CYB5R4: variants seen among roughly 807,000 people sequenced by gnomAD.
CYB5R4 encodes the protein cytochrome b5 reductase 4.
A neutral mutation model predicts 70.2 loss-of-function variants in CYB5R4; 55 were observed. The ratio of observed to expected loss-of-function variants is 0.78; its 90% confidence interval spans 0.63 to 0.98. The LOEUF (loss-of-function observed/expected upper bound fraction) is 0.98. CYB5R4 is among the 50% of genes least tolerant of loss of function. The pLI is 0.00. For missense variants in CYB5R4, 562 were observed against 612.6 expected (o/e 0.92, Z 0.87); for synonymous variants, 197 against 199.5 (o/e 0.99, Z 0.11).
intron 5 of CYB5R4, among the ~76,000 whole-genome samples, chr6:83,915,694 G>A (rs2099465388): frequency 6.6e-6 from 1 of 152,170 alleles, no homozygotes; most frequent in Non-Finnish European, 1.5e-5. Flanking sequence ...TTGTGACCTG[G>A]ACCCTGTAAG....
chr6:83,944,076 A>T (rs934510087), intron 14 of CYB5R4, among the ~76,000 whole-genome samples: 5 of 152,206 alleles, frequency 3.3e-5, no homozygotes, highest in African/African-American at 1.2e-4. Context: ...ACTTCAGGAA[A>T]TACAGAGAAC....
chr6:83,895,672 C>A (rs1383295049), intron 3 of CYB5R4, among the ~76,000 whole-genome samples: 2 of 152,098 alleles, frequency 1.3e-5, no homozygotes, highest in Admixed American at 1.3e-4. Flanking sequence ...TTAAGGAAAG[C>A]TTGTTTTGGA....
In CYB5R4 at chr6:83,934,615, C is replaced by G. The variant is rs1200482238; in HGVS notation, c.835C>G (p.Gln279Glu). The stretch of plus-strand genomic sequence containing the variant: ...TTTAGGTTTGTACTACAGAAAGTGC[C>G]AGTTAATTTCCAAGGAAGATGTTAC... Reference protein sequence around the residue: ...KDTGLYYRKCQLISKEDVTHD... With the variant: ...KDTGLYYRKCELISKEDVTHD... Residue 279 changes from glutamine (Q) to glutamate (E), a missense_variant, in exon 11 of 16, where the codon CAG becomes GAG. Gln to Glu is a conservative substitution (Grantham distance 29, BLOSUM62 2). Transcript: ENST00000369681. 1.3e-5 allele frequency: 21 copies of G among 1,610,788 alleles called. No homozygotes were observed. The Admixed American group carries it at 3.2e-4, about 24-fold the overall frequency.
At chr6:83,955,251 T>G (rs1251140797) in intron 14 of CYB5R4, 47 bp from the exon 15 acceptor site, 1 of 1,417,674 alleles carries the variant, frequency 7.1e-7, no homozygotes, top group Admixed American at 2.0e-5. Context: ...ATGTTAATAA[T>G]ATGTTTAAAA....
rs2099474187 is a variant in CYB5R4 at position 83,966,984 on chromosome 6, T to C, written c.*7106T>C. On this transcript the variant is annotated 3_prime_UTR_variant, in exon 16 of 16. Transcript: ENST00000369681. The stretch of plus-strand genomic sequence containing the variant: ...TTTAGTTATCTAAACAAAAACTAAT[T>C]ACTTAAAAGGGAAAGAAAATTAGAT... The C allele has an allele frequency of 6.6e-6, 1 of 152,194 alleles. No individual in the cohort carries two copies. Among genetic ancestry groups the C allele is most frequent in the Non-Finnish European group, 1.5e-5 (1 of 68,038 alleles). The allele number at this position is 152,194 out of a possible 1,614,324, so 9.4% of individuals were successfully genotyped here.
At chr6:83,863,043 G>A (rs890890571) in intron 1 of CYB5R4, among the ~76,000 whole-genome samples, 4 of 152,144 alleles carry the variant, frequency 2.6e-5, no homozygotes, top group African/African-American at 9.7e-5. Flanking sequence ...CTGTTACTAC[G>A]TTACAAATTA....
chr6:83,952,143 C>T (rs1411837123), intron 14 of CYB5R4, among the ~76,000 whole-genome samples: 1 of 152,102 alleles, frequency 6.6e-6, no homozygotes, highest in Non-Finnish European at 1.5e-5. Flanking sequence ...GGATTCTAAG[C>T]AGCATGGAAA....
At position 83,920,999 on chromosome 6, in the gene CYB5R4, G is replaced by A. The variant is rs909801191; in HGVS notation, c.565-83G>A. 2.7e-5 allele frequency: 28 copies of A among 1,032,422 alleles called. No individual in the cohort carries two copies. In the East Asian group the frequency reaches 4.3e-4, roughly 16 times the overall value. 64.0% of individuals were successfully genotyped at this position (1,032,422 alleles called of 1,614,324 possible). A position where few individuals can be genotyped will look rare whatever the true frequency, so the allele number is the denominator to read the frequency against. ...ATAAAGAAGCACCGTATGAAGTACC[G>A]CAGATCACCTTAAAAGTATAGTTGT... On this transcript the variant is annotated intron_variant, in intron 7 of 15. Coordinates refer to ENST00000369681, the MANE Select transcript of CYB5R4 (RefSeq NM_016230.4).
chr6:83,884,989 C>G (rs577980377), intron 2 of CYB5R4, among the ~76,000 whole-genome samples: 3 of 152,028 alleles, frequency 2.0e-5, no homozygotes, highest in African/African-American at 7.2e-5. Context: ...CTTAAAATAT[C>G]TTTACTCTTT....
intron 2 of CYB5R4, among the ~76,000 whole-genome samples, chr6:83,873,138 C>A (rs1475119858): frequency 6.7e-6 from 1 of 149,942 alleles, no homozygotes; most frequent in African/African-American, 2.5e-5. Flanking sequence ...AGTGACATAA[C>A]ATAAATTAAT....
chr6:83,944,050 C>T (rs1447259428), intron 14 of CYB5R4, among the ~76,000 whole-genome samples: 1 of 152,102 alleles, frequency 6.6e-6, no homozygotes, highest in Non-Finnish European at 1.5e-5. Flanking sequence ...AACCTAGCAA[C>T]ACAGGCCAAC....
At chr6:83,863,213 GT>G (rs1278037143) in intron 1 of CYB5R4, among the ~76,000 whole-genome samples, 2 of 151,986 alleles carry the variant, frequency 1.3e-5, no homozygotes, top group Non-Finnish European at 2.9e-5. Context: ...AGGGTTGGCA[GT>G]TTTTTTTCTG....
chr6:83,860,030 T>A (rs2099455688), intron 1 of CYB5R4, among the ~76,000 whole-genome samples, 173 bp downstream of exon 1: 1 of 152,152 alleles, frequency 6.6e-6, no homozygotes, highest in African/African-American at 2.4e-5. Context: ...CCCTAAACTC[T>A]CCTTACCTCC....
intron 2 of CYB5R4, among the ~76,000 whole-genome samples, chr6:83,890,254 A>G (rs1239497185): frequency 6.6e-6 from 1 of 152,208 alleles, no homozygotes; most frequent in Non-Finnish European, 1.5e-5. Context: ...GATTATGAGG[A>G]GAGAACAAAG....
At chr6:83,947,990 T>G (rs932686877) in intron 14 of CYB5R4, among the ~76,000 whole-genome samples, 1 of 152,156 alleles carries the variant, frequency 6.6e-6, no homozygotes, top group Non-Finnish European at 1.5e-5. Context: ...GAACCAGAAA[T>G]ACCATTTGAC....
At chr6:83,955,152 A>G (rs1458008727) in intron 14 of CYB5R4, 146 bp from the exon 15 acceptor site, 3 of 617,490 alleles carry the variant, frequency 4.9e-6, no homozygotes, top group Admixed American at 3.5e-5. Flanking sequence ...AAATCTTACA[A>G]TTTTTTTCAG....
chr6:83,863,734 A>G (rs1012455386), intron 1 of CYB5R4, among the ~76,000 whole-genome samples: 1 of 152,212 alleles, frequency 6.6e-6, no homozygotes, highest in South Asian at 2.1e-4. Flanking sequence ...TAACAATACA[A>G]CAATAAAAAA....
intron 7 of CYB5R4, 64 bp from the exon 8 acceptor site, chr6:83,921,018 T>TA (rs1226728254): frequency 1.1e-5 from 13 of 1,225,822 alleles, no homozygotes; most frequent in Middle Eastern, 2.1e-4. Context: ...CTTAAAAGTA[T>TA]AGTTGTAGAA....
chr6:83,921,617 G>A (rs2099466387), intron 8 of CYB5R4, among the ~76,000 whole-genome samples: 1 of 152,196 alleles, frequency 6.6e-6, no homozygotes, highest in East Asian at 1.9e-4. Flanking sequence ...TCCTCCAGCT[G>A]TCAGTCCCTT....
Sources: allele counts gnomAD v4.1 joint callset (sites outside exome capture counted in the v4.1 genomes callset), GRCh38; gene constraint gnomAD v4.1.1; transcripts MANE v1.5; gene names NCBI Gene and HGNC (gene_info 2026-07-23, HGNC 2026-07-21).